The following PLCB1 variants were observed in gnomAD, a reference collection of about 807,000 sequenced individuals.
PLCB1 encodes the protein 1-phosphatidylinositol 4,5-bisphosphate phosphodiesterase beta-1.
A neutral mutation model predicts 161.8 loss-of-function variants in PLCB1; 46 were observed. The observed-to-expected ratio is 0.28, with a 90% CI of 0.22 to 0.36. The LOEUF (loss-of-function observed/expected upper bound fraction) is 0.36, where lower values mean the gene tolerates loss of function less well. Ranked by LOEUF, PLCB1 falls within the 10% of genes least tolerant of loss-of-function variation. PLCB1 has a pLI of 1.00. For missense variants in PLCB1, 1,016 were observed against 1,472.5 expected (o/e 0.69, Z 5.07); for synonymous variants, 517 against 503.7 (o/e 1.03, Z -0.35).
At chr20:8,789,058 AAAGGCT>A in intron 29 of PLCB1, among the ~76,000 whole-genome samples, 1 of 152,306 alleles carries the variant, frequency 6.6e-6, no homozygotes, top group Admixed American at 6.5e-5. Context: ...ACCTTTGTCC[AAAGGCT>A]GGCAGATTAT....
chr20:8,704,757 A>G (rs1462056712), intron 11 of PLCB1, among the ~76,000 whole-genome samples: 7 of 152,158 alleles, frequency 4.6e-5, no homozygotes, highest in African/African-American at 1.7e-4. Flanking sequence ...GAGTTATTAA[A>G]AGGAACTGGC....
intron 3 of PLCB1, among the ~76,000 whole-genome samples, chr20:8,484,244 C>G (rs1389245500): frequency 6.6e-6 from 1 of 152,062 alleles, no homozygotes; most frequent in African/African-American, 2.4e-5. Flanking sequence ...AGGCTGGTCT[C>G]GAACTCCCAA....
At chr20:8,790,942 T>C (rs1040221721) in intron 31 of PLCB1, among the ~76,000 whole-genome samples, 1 of 152,164 alleles carries the variant, frequency 6.6e-6, no homozygotes, top group African/African-American at 2.4e-5. Context: ...TTTGTGGAAA[T>C]TGTGTTTTTC....
At chr20:8,293,238 T>C (rs1283506790) in intron 2 of PLCB1, among the ~76,000 whole-genome samples, 1 of 152,154 alleles carries the variant, frequency 6.6e-6, no homozygotes, top group Admixed American at 6.6e-5. Flanking sequence ...TTTACCTTGA[T>C]AGACCCACTT....
intron 3 of PLCB1, among the ~76,000 whole-genome samples, chr20:8,529,165 A>C (rs1285800698): frequency 6.6e-6 from 1 of 152,042 alleles, no homozygotes; most frequent in Non-Finnish European, 1.5e-5. Context: ...GCTGTTATGA[A>C]GACATTCATG....
intron 1 of PLCB1, among the ~76,000 whole-genome samples, chr20:8,142,885 G>A (rs182190878): frequency 6.6e-4 from 101 of 152,206 alleles, no homozygotes; most frequent in Admixed American, 6.2e-3. Flanking sequence ...TCCACTCCTC[G>A]TTTAATGTAC....
intron 3 of PLCB1, among the ~76,000 whole-genome samples, chr20:8,534,165 C>A (rs114537547): frequency 0.01 from 1,542 of 152,220 alleles, 44 homozygotes; most frequent in African/African-American, 0.035. Flanking sequence ...TGCAGTGGTG[C>A]AATCACAGCT....
At chr20:8,514,774 T>C (rs1314126992) in intron 3 of PLCB1, among the ~76,000 whole-genome samples, 1 of 152,172 alleles carries the variant, frequency 6.6e-6, no homozygotes, top group Non-Finnish European at 1.5e-5. Context: ...TATGTATGGG[T>C]GAATATTCTT....
At chr20:8,146,592 T>C (rs977796287) in intron 1 of PLCB1, among the ~76,000 whole-genome samples, 2 of 152,256 alleles carry the variant, frequency 1.3e-5, no homozygotes, top group Non-Finnish European at 2.9e-5. Context: ...GTATTTATTA[T>C]TGACTTATAT....
At chr20:8,168,808 C>G (rs1231299881) in intron 2 of PLCB1, among the ~76,000 whole-genome samples, 1 of 148,784 alleles carries the variant, frequency 6.7e-6, no homozygotes, top group Non-Finnish European at 1.5e-5. Flanking sequence ...AATTCAAAAT[C>G]TGTAAAAACA....
intron 3 of PLCB1, among the ~76,000 whole-genome samples, chr20:8,372,860 A>G (rs1042097881): frequency 1.3e-5 from 2 of 152,094 alleles, no homozygotes; most frequent in African/African-American, 4.8e-5. Context: ...TTCAATATCG[A>G]TATTAGTTTT....
intron 26 of PLCB1, among the ~76,000 whole-genome samples, chr20:8,771,751 G>C (rs1982690504): frequency 6.6e-6 from 1 of 152,086 alleles, no homozygotes; most frequent in Non-Finnish European, 1.5e-5. Context: ...AAGTGGCAAA[G>C]CCAGTGGGTC....
chr20:8,360,989 C>A lies in PLCB1; in HGVS notation c.178-10393C>A, dbSNP rs1986521175. Reference sequence around the variant, plus strand: ...TAAAGCAAGGATAAATGCCGTCTATCTATACTTCAGAAAATATGGAAGTCA... The same window carrying A: ...TAAAGCAAGGATAAATGCCGTCTATATATACTTCAGAAAATATGGAAGTCA... On this transcript the variant is annotated intron_variant, in intron 2 of 31. Transcript: ENST00000338037. Among the ~76,000 whole-genome samples the A allele has an allele frequency of 2.6e-5, 4 of 152,284 alleles. No individual in the cohort carries two copies. In the South Asian group the frequency reaches 8.3e-4, roughly 32 times the overall value.
chr20:8,439,572 G>A (rs574839997), intron 3 of PLCB1, among the ~76,000 whole-genome samples: 33 of 152,160 alleles, frequency 2.2e-4, no homozygotes, highest in African/African-American at 7.7e-4. Context: ...AGCATTTATC[G>A]CTCTTTGAAG....
At chr20:8,556,302 C>CT (rs1398943466) in intron 3 of PLCB1, among the ~76,000 whole-genome samples, 2 of 151,956 alleles carry the variant, frequency 1.3e-5, no homozygotes, top group Non-Finnish European at 2.9e-5. Flanking sequence ...ACTTGGAACT[C>CT]TCTTAGGGCA....
At chr20:8,554,627 G>A (rs957529044) in intron 3 of PLCB1, among the ~76,000 whole-genome samples, 1 of 152,082 alleles carries the variant, frequency 6.6e-6, no homozygotes, top group Admixed American at 6.6e-5. Flanking sequence ...TTGGAAAGGA[G>A]AACATTCCAG....
intron 2 of PLCB1, among the ~76,000 whole-genome samples, chr20:8,275,659 AT>A (rs1407496272): frequency 6.6e-6 from 1 of 152,128 alleles, no homozygotes; most frequent in Admixed American, 6.5e-5. Context: ...TGTTTTGCCC[AT>A]GTTTAAATGT....
intron 27 of PLCB1, among the ~76,000 whole-genome samples, chr20:8,777,718 CAAAA>C (rs36103446): frequency 1.5e-5 from 2 of 135,890 alleles, no homozygotes; most frequent in Non-Finnish European, 3.2e-5. Context: ...GACTCCATCT[CAAAA>C]AAAAAAAAAA....
At chr20:8,460,335 A>G (rs1465751288) in intron 3 of PLCB1, among the ~76,000 whole-genome samples, 1 of 152,194 alleles carries the variant, frequency 6.6e-6, no homozygotes, top group Non-Finnish European at 1.5e-5. Context: ...TATCATTTTT[A>G]GAGACATGAC....
Sources: allele counts gnomAD v4.1 joint callset (sites outside exome capture counted in the v4.1 genomes callset), GRCh38; gene constraint gnomAD v4.1.1; transcripts MANE v1.5; gene names NCBI Gene and HGNC (gene_info 2026-07-23, HGNC 2026-07-21).